The following PLEKHA5 variants were observed in gnomAD, a reference collection of about 807,000 sequenced individuals.
PLEKHA5 encodes pleckstrin homology domain containing A5, also known as pleckstrin homology domain-containing family A member 5.
A neutral mutation model predicts 181.9 loss-of-function variants in PLEKHA5; 55 were observed. The observed-to-expected ratio is 0.30, with a 90% confidence interval of 0.24 to 0.38. The LOEUF is 0.38. Among genes scored for constraint, PLEKHA5 ranks in the 10% least tolerant of loss-of-function variants. PLEKHA5 has a pLI of 1.00. For synonymous variants in PLEKHA5, 535 were observed against 529.4 expected (o/e 1.01, Z -0.15); for missense variants, 1,432 against 1,549.5 (o/e 0.92, Z 1.27).
At chr12:19,351,165 G>A (rs1288726241) in intron 25 of PLEKHA5, among the ~76,000 whole-genome samples, 3 of 151,836 alleles carry the variant, frequency 2.0e-5, no homozygotes, top group Non-Finnish European at 2.9e-5. Context: ...CAAACTTCTA[G>A]GCTCAAGCAA....
intron 20 of PLEKHA5, among the ~76,000 whole-genome samples, chr12:19,326,435 A>C (rs1161632354): frequency 1.3e-5 from 2 of 152,172 alleles, no homozygotes; most frequent in African/African-American, 4.8e-5. Context: ...CCCCAAGCAT[A>C]AGGGGTATAA....
At chr12:19,296,197 G>T (rs914552507) in intron 15 of PLEKHA5, among the ~76,000 whole-genome samples, 1 of 150,322 alleles carries the variant, frequency 6.7e-6, no homozygotes, top group African/African-American at 2.5e-5. Flanking sequence ...CCAAGATCAC[G>T]CCACTGCACT....
At chr12:19,238,109 G>GT (rs1216376812) in intron 3 of PLEKHA5, among the ~76,000 whole-genome samples, 3 of 151,992 alleles carry the variant, frequency 2.0e-5, no homozygotes, top group South Asian at 2.1e-4. Flanking sequence ...AAAAAGATTA[G>GT]TTTTTTTCTT....
At chr12:19,334,818 C>CGA (rs2093201121) in intron 20 of PLEKHA5, among the ~76,000 whole-genome samples, 1 of 5,980 alleles carries the variant, frequency 1.7e-4, no homozygotes, top group Non-Finnish European at 5.6e-4. Flanking sequence ...CCTGTCTTCA[C>CGA]AAAAAAAAAA....
intron 3 of PLEKHA5, among the ~76,000 whole-genome samples, chr12:19,160,746 T>C (rs2042783266): frequency 6.6e-6 from 1 of 152,130 alleles, no homozygotes; most frequent in Non-Finnish European, 1.5e-5. Flanking sequence ...TGTCAGCTAC[T>C]GATGAAACTT....
intron 13 of PLEKHA5, among the ~76,000 whole-genome samples, chr12:19,288,514 G>T (rs940426421): frequency 6.6e-6 from 1 of 152,194 alleles, no homozygotes; most frequent in Non-Finnish European, 1.5e-5. Context: ...TTTCTGTAAA[G>T]ATGTGATTTT....
At chr12:19,363,046 A>G (rs933055517) in intron 29 of PLEKHA5, among the ~76,000 whole-genome samples, 6 of 152,102 alleles carry the variant, frequency 3.9e-5, no homozygotes, top group African/African-American at 1.4e-4. Context: ...ACATTGGTCA[A>G]AATTCTAAGC....
chr12:19,334,818 C>CAAAAA lies in PLEKHA5; in HGVS notation c.2449-1689_2449-1685dup, dbSNP rs1241415983. On this transcript the variant is annotated intron_variant, in intron 20 of 31. Coordinates refer to ENST00000429027, the MANE Select transcript of PLEKHA5 (RefSeq NM_001256470.2). ...GCAACATGGCAAAATCCTGTCTTCA[C>CAAAAA]AAAAAAAAAAAATATATATATATAT... 9.4e-3 allele frequency among the ~76,000 whole-genome samples: 56 copies of CAAAAA among 5,962 alleles called. 10 individuals carry two copies. Among genetic ancestry groups the CAAAAA allele is most frequent in the Admixed American group, 0.018 (4 of 228 alleles). The allele number at this position is 5,962 out of a possible 152,430, so 3.9% of individuals were successfully genotyped here.
intron 13 of PLEKHA5, among the ~76,000 whole-genome samples, chr12:19,290,211 G>A (rs558658592): frequency 5.3e-5 from 8 of 152,190 alleles, no homozygotes; most frequent in South Asian, 2.1e-4. Flanking sequence ...GATTACAGGC[G>A]TGAGCCACTG....
At chr12:19,320,832 G>T in intron 18 of PLEKHA5, 1 of 315,486 alleles carries the variant, frequency 3.2e-6, no homozygotes. Context: ...ACGTTATTAA[G>T]CATCACTTAA....
chr12:19,134,779 A>T (rs189083206), intron 3 of PLEKHA5, among the ~76,000 whole-genome samples: 1 of 152,276 alleles, frequency 6.6e-6, no homozygotes, highest in Non-Finnish European at 1.5e-5. Context: ...CAGCAGAAAC[A>T]TGCCTTTGGA....
chr12:19,199,270 CTTG>C (rs762581859), intron 3 of PLEKHA5, among the ~76,000 whole-genome samples: 13 of 152,060 alleles, frequency 8.5e-5, no homozygotes, highest in Non-Finnish European at 1.8e-4. Context: ...AATCAAAATA[CTTG>C]TTTTCTTTTT....
At chr12:19,256,000 T>C (rs1330366909) in intron 5 of PLEKHA5, among the ~76,000 whole-genome samples, 1 of 151,874 alleles carries the variant, frequency 6.6e-6, no homozygotes, top group Non-Finnish European at 1.5e-5. Flanking sequence ...TTATTATCCA[T>C]GCAGAGTATC....
At chr12:19,154,781 T>C (rs753813154) in intron 3 of PLEKHA5, 5 of 152,234 alleles carry the variant, frequency 3.3e-5, no homozygotes, top group Non-Finnish European at 7.3e-5. Flanking sequence ...AAATATAATG[T>C]TATCTTTTAT....
At chr12:19,278,865 G>A (rs1393255419) in intron 11 of PLEKHA5, among the ~76,000 whole-genome samples, 1 of 152,142 alleles carries the variant, frequency 6.6e-6, no homozygotes, top group African/African-American at 2.4e-5. Context: ...GTTCTTGTCT[G>A]GAGACATTTC....
At chr12:19,259,366 C>G (rs61912289) in intron 6 of PLEKHA5, among the ~76,000 whole-genome samples, 3 of 150,370 alleles carry the variant, frequency 2.0e-5, no homozygotes, top group Non-Finnish European at 4.4e-5. Flanking sequence ...GACCCTGTCT[C>G]CAAAAAAAAA....
chr12:19,257,540 A>ATTTT lies in PLEKHA5; in HGVS notation c.537+13_537+16dup. ...GACGAGGTTGGCTTTATAAACAGGT[A>ATTTT]TTTTTTTTTTTTTGATATGAAACAA... On this transcript the variant is annotated splice_donor_region_variant and intron_variant, in intron 6 of 31. Coordinates refer to ENST00000429027, the MANE Select transcript of PLEKHA5 (RefSeq NM_001256470.2). The ATTTT allele has an allele frequency of 5.0e-6, 6 of 1,204,972 alleles. No individual in the cohort carries two copies. In the African/African-American group the frequency reaches 9.4e-5, roughly 19 times the overall value. 74.6% of individuals were successfully genotyped at this position (1,204,972 alleles called of 1,614,324 possible). A position where few individuals can be genotyped will look rare whatever the true frequency, so the allele number is the denominator to read the frequency against.
intron 3 of PLEKHA5, among the ~76,000 whole-genome samples, chr12:19,236,770 C>A (rs1592157149): frequency 1.3e-5 from 2 of 152,122 alleles, no homozygotes; most frequent in Admixed American, 1.3e-4. Context: ...GGCTGGAAGG[C>A]ATGCATAATC....
At chr12:19,192,236 T>A (rs1208514280) in intron 3 of PLEKHA5, among the ~76,000 whole-genome samples, 1 of 152,216 alleles carries the variant, frequency 6.6e-6, no homozygotes, top group Non-Finnish European at 1.5e-5. Flanking sequence ...CTGACATTTC[T>A]ACTTTTCATA....
Sources: allele counts gnomAD v4.1 joint callset (sites outside exome capture counted in the v4.1 genomes callset), GRCh38; gene constraint gnomAD v4.1.1; transcripts MANE v1.5; gene names NCBI Gene and HGNC (gene_info 2026-07-23, HGNC 2026-07-21).